DNAI4: variants seen among roughly 807,000 people sequenced by gnomAD.
DNAI4 encodes dynein axonemal intermediate chain 4.
Under a neutral mutation model 105.8 loss-of-function variants are expected in DNAI4, and 85 were observed. The ratio of observed to expected loss-of-function variants is 0.80; its 90% CI spans 0.67 to 0.96. The LOEUF (loss-of-function observed/expected upper bound fraction) is 0.96, where lower values mean the gene tolerates loss of function less well. Among genes scored for constraint, DNAI4 ranks in the 40% least tolerant of loss-of-function variants. DNAI4 has a pLI of 0.00. For synonymous variants in DNAI4, 352 were observed against 331.5 expected, an observed-to-expected ratio of 1.06 and a Z score of -0.67; for missense variants, 1,014 against 1,005.6, an observed-to-expected ratio of 1.01 and a Z score of -0.11.
Position 66,871,439 on chromosome 1 carries a change from T to G in DNAI4, c.871A>C (p.Met291Leu). 6.2e-7 allele frequency: 1 copy of G among 1,610,712 alleles called. No individual in the cohort carries two copies. The highest frequency in any genetic ancestry group is 8.5e-7 in the Non-Finnish European group (1 of 1,177,424). Reference protein sequence around the residue: ...LGNDLYVERMMQTFNGAPKNK... With the variant: ...LGNDLYVERMLQTFNGAPKNK... ...TTTGGTGCTCCATTGAAAGTCTGCA[T>G]CATCCTTTCAACATATAGGTCATTG... Residue 291 changes from methionine to leucine, a missense_variant, in exon 6 of 17, where the codon ATG becomes CTG. Transcript: ENST00000371026.
chr1:66,837,161 C>T (rs1167355616), intron 10 of DNAI4, among the ~76,000 whole-genome samples: 3 of 152,116 alleles, frequency 2.0e-5, no homozygotes, highest in Admixed American at 6.5e-5. Flanking sequence ...GTCAAGAGAT[C>T]GAGACCATCC....
At chr1:66,923,120 C>T (rs1327509471) in intron 1 of DNAI4, among the ~76,000 whole-genome samples, 1 of 152,226 alleles carries the variant, frequency 6.6e-6, no homozygotes, top group Non-Finnish European at 1.5e-5. Context: ...TGTTTACATA[C>T]ACAAATACTT....
chr1:66,870,525 C>T (rs530643664), intron 6 of DNAI4, among the ~76,000 whole-genome samples: 1 of 149,252 alleles, frequency 6.7e-6, no homozygotes, highest in South Asian at 2.1e-4. Flanking sequence ...CTGAGGTGGG[C>T]GGATCGCCTG....
chr1:66,822,340 T>C, intron 16 of DNAI4, 21 bp downstream of exon 16: 1 of 1,575,800 alleles, frequency 6.3e-7, no homozygotes, highest in East Asian at 2.3e-5. Context: ...TGACACAAAT[T>C]TTTTTACTCT....
intron 4 of DNAI4, among the ~76,000 whole-genome samples, chr1:66,876,231 T>G (rs1646956075): frequency 6.6e-6 from 1 of 152,090 alleles, no homozygotes; most frequent in African/African-American, 2.4e-5. Context: ...GTCCAAACTT[T>G]TTGTCAATGA....
intron 4 of DNAI4, among the ~76,000 whole-genome samples, chr1:66,883,967 T>C (rs189124988): frequency 6.6e-4 from 100 of 152,310 alleles, no homozygotes; most frequent in African/African-American, 2.4e-3. Context: ...CACCCTTTGA[T>C]CATCTTCTCC....
chr1:66,842,589 G>A lies in DNAI4; in HGVS notation c.1292-1918C>T, dbSNP rs145354647. Among the ~76,000 whole-genome samples, 3 of 152,116 alleles carry A rather than the reference G, an allele frequency of 2.0e-5. No homozygotes were observed. In the East Asian group the frequency reaches 5.8e-4, roughly 29 times the overall value. ...TGTATTTTTAGTAAGTAGAGCCAGG[G>A]TTTCACTATGTTGGCCAGGCTTGTC... On this transcript the variant is annotated intron_variant, in intron 8 of 16. Transcript: ENST00000371026.
intron 1 of DNAI4, among the ~76,000 whole-genome samples, chr1:66,905,769 T>C (rs1427457229): frequency 2.0e-5 from 3 of 152,160 alleles, no homozygotes; most frequent in African/African-American, 7.2e-5. Flanking sequence ...ATTATGAGGA[T>C]TAAATAAATT....
rs186243054 is a variant in DNAI4 at position 66,851,827 on chromosome 1, G to A, written c.1097-4149C>T. Among the ~76,000 whole-genome samples, 5 of 151,770 alleles carry A rather than the reference G, an allele frequency of 3.3e-5. No individual in the cohort carries two copies. In the East Asian group the frequency reaches 7.7e-4, roughly 24 times the overall value. ...AGCATTAAATGTATACATTAGAAAA[G>A]AAGGAAAGTCAAGTCAATAATCTAA... On this transcript the variant is annotated intron_variant, in intron 7 of 16. Transcript: ENST00000371026.
chr1:66,833,846 C>T lies in DNAI4; in HGVS notation c.1892-140G>A, dbSNP rs1032552224. The stretch of plus-strand genomic sequence containing the variant: ...TAATTAGGCTAAAATTAGCACACAC[C>T]AGAACTAGCTGCTTAGAAAAACCAT... On this transcript the variant is annotated intron_variant, in intron 12 of 16. Transcript: ENST00000371026. 4.3e-6 allele frequency: 6 copies of T among 1,382,710 alleles called. No homozygotes were observed. The African/African-American group carries it at 7.3e-5, about 17-fold the overall frequency. The allele number at this position is 1,382,710 out of a possible 1,614,324, so 85.7% of individuals were successfully genotyped here. A position where few individuals can be genotyped will look rare whatever the true frequency, so the allele number is the denominator to read the frequency against.
rs908125191 is a variant in DNAI4, at chr1:66,822,372, C to T, written c.2485G>A (p.Glu829Lys). Residue 829 changes from glutamate (E) to lysine (K), a missense_variant, in exon 16 of 17, where the codon GAA becomes AAA. Glu to Lys is a moderately conservative substitution (Grantham distance 56). Coordinates refer to ENST00000371026, the MANE Select transcript of DNAI4 (RefSeq NM_024763.5). ...CTCTTGAGTCTTACCCGGCCAGTTTCCAAAACAGTAGGCATATTTCTCAGT... is the reference window on the plus strand; with the variant it reads ...CTCTTGAGTCTTACCCGGCCAGTTTTCAAAACAGTAGGCATATTTCTCAGT... ...YELRNMPTVLETGRGDIMDTL... is the reference protein window; with the variant it reads ...YELRNMPTVLKTGRGDIMDTL... The T allele has an allele frequency of 1.2e-6, 2 of 1,604,580 alleles. No homozygotes were observed. The highest frequency in any genetic ancestry group is 2.7e-5 in the African/African-American group (2 of 74,492).
At chr1:66,922,932 A>G (rs974151460) in intron 1 of DNAI4, among the ~76,000 whole-genome samples, 5 of 152,214 alleles carry the variant, frequency 3.3e-5, no homozygotes, top group Admixed American at 3.3e-4. Context: ...TATAGGTGAT[A>G]TTAAAGACAT....
chr1:66,922,992 G>T (rs1650618352), intron 1 of DNAI4, among the ~76,000 whole-genome samples: 1 of 152,116 alleles, frequency 6.6e-6, no homozygotes, highest in African/African-American at 2.4e-5. Context: ...TACAGTCCTG[G>T]ATCATCAACA....
rs368786894 is a variant in DNAI4, at chr1:66,813,374, T to C, written c.*756A>G. On this transcript the variant is annotated 3_prime_UTR_variant, in exon 17 of 17. Coordinates refer to ENST00000371026, the MANE Select transcript of DNAI4 (RefSeq NM_024763.5). ...GATTTCCGCAACCTTGCTCTAGAAC[T>C]CTTCATAAAATAACATCCTGATGTG... 1.3e-5 allele frequency: 2 copies of C among 152,314 alleles called. No homozygotes were observed. The highest frequency in any genetic ancestry group is 2.4e-5 in the African/African-American group (1 of 41,426). 9.4% of individuals were successfully genotyped at this position (152,314 alleles called of 1,614,324 possible).
intron 8 of DNAI4, among the ~76,000 whole-genome samples, chr1:66,842,895 TA>T (rs998110465): frequency 1.3e-5 from 2 of 152,024 alleles, no homozygotes; most frequent in African/African-American, 2.4e-5. Flanking sequence ...TGCAATTCCC[TA>T]ATGAAATCTG....
At chr1:66,836,016 C>T (rs1045721033) in intron 10 of DNAI4, among the ~76,000 whole-genome samples, 30 of 151,416 alleles carry the variant, frequency 2.0e-4, no homozygotes, top group Non-Finnish European at 4.1e-4. Flanking sequence ...GAGTGTTGGG[C>T]ATGGGGGCTC....
At position 66,814,029 on chromosome 1, in the gene DNAI4, G is replaced by A. The variant is rs1645462356; in HGVS notation, c.*101C>T. ...AAGTGGAAGTTATACATCAAATATT[G>A]TTTTCTGAAATCAAAATCTGGTGTA... On this transcript the variant is annotated 3_prime_UTR_variant, in exon 17 of 17. Coordinates refer to ENST00000371026, the MANE Select transcript of DNAI4 (RefSeq NM_024763.5). The A allele has an allele frequency of 7.9e-6, 6 of 762,890 alleles. No homozygotes were observed. Among genetic ancestry groups the A allele is most frequent in the Admixed American group, 6.9e-5 (2 of 28,860 alleles). The allele number at this position is 762,890 out of a possible 1,614,324, so 47.3% of individuals were successfully genotyped here.
chr1:66,895,107 T>C (rs1371738372), intron 2 of DNAI4, among the ~76,000 whole-genome samples: 1 of 152,226 alleles, frequency 6.6e-6, no homozygotes, highest in Non-Finnish European at 1.5e-5. Flanking sequence ...AAAATATTGG[T>C]ATATGCATCT....
chr1:66,848,939 G>C (rs766304231), intron 7 of DNAI4, among the ~76,000 whole-genome samples: 10 of 152,180 alleles, frequency 6.6e-5, no homozygotes, highest in Non-Finnish European at 1.2e-4. Context: ...TCACTAGGCT[G>C]TAACAAGGTG....
Sources: gnomAD v4.1 joint callset for allele counts (sites outside exome capture counted in the v4.1 genomes callset) on GRCh38, gnomAD v4.1.1 for gene constraint, MANE v1.5 for transcripts, NCBI Gene and HGNC (gene_info 2026-07-23, HGNC 2026-07-21) for gene names.